RGMA: variants seen among roughly 807,000 people sequenced by gnomAD.
RGMA encodes repulsive guidance molecule A.
In RGMA, 10 loss-of-function variants were observed where a neutral mutation model predicts 23.2. The observed-to-expected ratio is 0.43, with a 90% CI of 0.27 to 0.73. The LOEUF (loss-of-function observed/expected upper bound fraction) is 0.73, where lower values mean the gene tolerates loss of function less well. RGMA is among the 30% of genes least tolerant of loss of function. RGMA has a pLI of 0.20. For missense variants in RGMA, 547 were observed against 630.5 expected (o/e 0.87, Z 1.42); for synonymous variants, 308 against 279.3 (o/e 1.10, Z -1.03).
At chr15:93,078,285 A>G (rs752088957) in intron 1 of RGMA, among the ~76,000 whole-genome samples, 1 of 152,160 alleles carries the variant, frequency 6.6e-6, no homozygotes, top group Non-Finnish European at 1.5e-5. Context: ...ATTTTTGCCA[A>G]CCTCGCAAGC....
chr15:93,052,061 T>C lies in RGMA; in HGVS notation c.577A>G (p.Asn193Asp). The C allele has an allele frequency of 6.2e-7, 1 of 1,612,654 alleles. No individual in the cohort carries two copies. The highest frequency in any genetic ancestry group is 2.2e-5 in the East Asian group (1 of 44,832). ...VQGAWPLIDNNYLNVQVTNTP... is the reference protein window; with the variant it reads ...VQGAWPLIDNDYLNVQVTNTP... ...TTGGTGACCTGCACGTTCAGGTAAT[T>C]ATTGTCGATGAGCGGCCAGGCGCCC... The change falls in exon 3 of 4, where the codon AAT becomes GAT. Residue 193 changes from asparagine to aspartate, a missense_variant. Physicochemically the swap from Asn to Asp is conservative, Grantham distance 23. Transcript: ENST00000329082.
In RGMA at chr15:93,045,355, G is replaced by A; in HGVS notation, c.996C>T (p.Thr332=). The A allele has an allele frequency of 6.2e-7, 1 of 1,612,864 alleles. No homozygotes were observed. The highest frequency in any genetic ancestry group is 1.3e-5 in the African/African-American group (1 of 75,024). ...TGCGGGCACCGGTGCCCTCAGCATTGGTGTGGAAGGCCTGGAAGTCGATCT... is the reference window on the plus strand; with the variant it reads ...TGCGGGCACCGGTGCCCTCAGCATTAGTGTGGAAGGCCTGGAAGTCGATCT... ...NQQIDFQAFH[T]NAEGTGARRL... Residue 332 remains threonine (T), a synonymous_variant, in exon 4 of 4, where the codon ACC becomes ACT. Transcript: ENST00000329082. This position sits in a 1 kb window ranked among gnomAD's most constrained non-coding sequence, Gnocchi z 6.9.
intron 2 of RGMA, among the ~76,000 whole-genome samples, chr15:93,067,335 GAAAC>G (rs1895190541): frequency 6.6e-6 from 1 of 152,148 alleles, no homozygotes. Flanking sequence ...AAAACAAACA[GAAAC>G]ACACACAAAA....
At chr15:93,070,585 C>T (rs1895290706) in intron 2 of RGMA, among the ~76,000 whole-genome samples, 1 of 152,222 alleles carries the variant, frequency 6.6e-6, no homozygotes, top group Non-Finnish European at 1.5e-5. Flanking sequence ...CCATTTCATC[C>T]CTTACTTAAG....
intron 3 of RGMA, 47 bp downstream of exon 3, chr15:93,051,946 G>C: frequency 6.5e-7 from 1 of 1,528,810 alleles, no homozygotes; most frequent in East Asian, 2.4e-5. Flanking sequence ...ACGCAGGGCA[G>C]AGACAAAGGG....
chr15:93,058,376 T>C (rs1042236364), intron 2 of RGMA, among the ~76,000 whole-genome samples: 2 of 152,202 alleles, frequency 1.3e-5, no homozygotes, highest in Non-Finnish European at 2.9e-5. Context: ...GCTACAGGCA[T>C]GCACGGGCAC....
Position 93,039,540 on chromosome 15 carries a change from C to T in RGMA, c.*5458G>A, listed in dbSNP as rs888369403. 1 of 152,078 alleles carries T rather than the reference C, an allele frequency of 6.6e-6. No homozygotes were observed. Among genetic ancestry groups the T allele is most frequent in the African/African-American group, 2.4e-5 (1 of 41,392 alleles). The allele number at this position is 152,078 out of a possible 1,614,324, so 9.4% of individuals were successfully genotyped here. On this transcript the variant is annotated 3_prime_UTR_variant, in exon 4 of 4. Coordinates refer to ENST00000329082, the MANE Select transcript of RGMA (RefSeq NM_020211.3). ...GGGTATTTCTCCTGATGCTCTCCCT[C>T]CCCCAGCCCCCCACCCACTGACAGG...
intron 2 of RGMA, among the ~76,000 whole-genome samples, chr15:93,071,891 A>G (rs1567193007): frequency 6.6e-6 from 1 of 152,236 alleles, no homozygotes; most frequent in African/African-American, 2.4e-5. Flanking sequence ...AACCCCGCAA[A>G]CACAATGGAA....
At chr15:93,065,741 C>G (rs951775376) in intron 2 of RGMA, 2 of 1,192,968 alleles carry the variant, frequency 1.7e-6, no homozygotes, top group South Asian at 1.2e-5. Context: ...TCAGCGGGAC[C>G]GTGGCTGGGC....
At chr15:93,062,903 A>G in intron 2 of RGMA, 1 of 152,584 alleles carries the variant, frequency 6.6e-6, no homozygotes, top group Non-Finnish European at 1.5e-5. Context: ...TCCCATGCCC[A>G]TAACAATGCC....
Position 93,044,766 on chromosome 15 carries a change from T to G in RGMA, c.*232A>C, listed in dbSNP as rs2141789294. ...GCAGGGGCGGGGCGAGGGGAGCTGC[T>G]CTCCCTCTCACACAGCTCTACTGTC... On this transcript the variant is annotated 3_prime_UTR_variant, in exon 4 of 4. Transcript: ENST00000329082. 1.7e-6 allele frequency: 1 copy of G among 576,440 alleles called. No homozygotes were observed. The highest frequency in any genetic ancestry group is 1.9e-5 in the African/African-American group (1 of 53,468). 35.7% of individuals were successfully genotyped at this position (576,440 alleles called of 1,614,324 possible). A position where few individuals can be genotyped will look rare whatever the true frequency, so the allele number is the denominator to read the frequency against.
Position 93,043,469 on chromosome 15 carries a change from T to C in RGMA, c.*1529A>G, listed in dbSNP as rs1338816477. ...TTAGCCATTAATAAATAATTTACAG[T>C]ATGTACACGCGGTGACACTCCACAC... On this transcript the variant is annotated 3_prime_UTR_variant, in exon 4 of 4. Transcript: ENST00000329082. 2 of 152,454 alleles carry C rather than the reference T, an allele frequency of 1.3e-5. No homozygotes were observed. Among genetic ancestry groups the C allele is most frequent in the East Asian group, 1.9e-4 (1 of 5,156 alleles). The allele number at this position is 152,454 out of a possible 1,614,324, so 9.4% of individuals were successfully genotyped here.
At chr15:93,078,507 T>A (rs1895508451) in intron 1 of RGMA, among the ~76,000 whole-genome samples, 1 of 152,244 alleles carries the variant, frequency 6.6e-6, no homozygotes, top group South Asian at 2.1e-4. Context: ...CTTTCAGACT[T>A]TAAGGGCCGT....
At chr15:93,086,057 T>TAC (rs1219224934) in intron 1 of RGMA, among the ~76,000 whole-genome samples, 7 of 152,210 alleles carry the variant, frequency 4.6e-5, no homozygotes, top group African/African-American at 1.7e-4. Context: ...GAGCCTGTCT[T>TAC]TTGGATAGGC....
chr15:93,087,674 C>G (rs1895661040), intron 1 of RGMA, among the ~76,000 whole-genome samples: 1 of 152,160 alleles, frequency 6.6e-6, no homozygotes, highest in African/African-American at 2.4e-5. Flanking sequence ...CATTGGTTTT[C>G]AAGATCTCTG....
At chr15:93,087,956 G>T (rs1307475576) in intron 1 of RGMA, among the ~76,000 whole-genome samples, 1 of 152,100 alleles carries the variant, frequency 6.6e-6, no homozygotes, top group Non-Finnish European at 1.5e-5. Context: ...CCTTGTGCGG[G>T]AGACTACTTT....
chr15:93,088,128 C>A (rs1264939946), intron 1 of RGMA, among the ~76,000 whole-genome samples: 1 of 152,190 alleles, frequency 6.6e-6, no homozygotes, highest in Non-Finnish European at 1.5e-5. Flanking sequence ...CTCACAGGCT[C>A]CCATTAGAAA....
intron 2 of RGMA, among the ~76,000 whole-genome samples, chr15:93,071,059 C>T (rs566026479): frequency 6.6e-6 from 1 of 152,278 alleles, no homozygotes; most frequent in East Asian, 1.9e-4. Flanking sequence ...GCTTTAAGAG[C>T]GGGAAGGTGT....
intron 3 of RGMA, among the ~76,000 whole-genome samples, chr15:93,048,316 A>G (rs944508220): frequency 6.6e-6 from 1 of 152,140 alleles, no homozygotes; most frequent in East Asian, 1.9e-4. Flanking sequence ...AAAATGTGTT[A>G]GTCAGGCAAG....
Sources: allele counts gnomAD v4.1 joint callset (sites outside exome capture counted in the v4.1 genomes callset), GRCh38; gene constraint gnomAD v4.1.1; non-coding constraint Gnocchi (gnomAD v3.1); transcripts MANE v1.5; gene names NCBI Gene and HGNC (gene_info 2026-07-23, HGNC 2026-07-21).